Variants in BOLL observed in about 807,000 individuals in gnomAD.
BOLL encodes the protein protein boule-like.
In BOLL, 23 loss-of-function variants were observed where a neutral mutation model predicts 44.4. The ratio of observed to expected loss-of-function variants is 0.52; its 90% CI spans 0.37 to 0.73. BOLL has a LOEUF of 0.73. Ranked by LOEUF, BOLL falls within the 30% of genes least tolerant of loss-of-function variation. The pLI, the probability that BOLL is intolerant of heterozygous loss-of-function variation, is 0.00. For missense variants in BOLL, 287 were observed against 338.3 expected, an observed-to-expected ratio of 0.85 and a Z score of 1.19; for synonymous variants, 97 against 110.8, an observed-to-expected ratio of 0.88 and a Z score of 0.78.
chr2:197,733,498 C>T (rs1172455691), intron 10 of BOLL, among the ~76,000 whole-genome samples: 24 of 151,424 alleles, frequency 1.6e-4, no homozygotes, highest in African/African-American at 5.1e-4. Flanking sequence ...GAGCCCGCAT[C>T]GCCAAGTCAA....
intron 7 of BOLL, among the ~76,000 whole-genome samples, chr2:197,761,710 CACCTT>C (rs369572362): frequency 8.5e-4 from 129 of 152,204 alleles, no homozygotes; most frequent in African/African-American, 3.0e-3. Flanking sequence ...AAAAGAAACT[CACCTT>C]ACCTGTAAAG....
At chr2:197,735,796 A>T (rs1182650795) in intron 10 of BOLL, among the ~76,000 whole-genome samples, 3 of 152,084 alleles carry the variant, frequency 2.0e-5, no homozygotes, top group Admixed American at 6.6e-5. Context: ...AGAGGATATT[A>T]ATTGTAGTTT....
At chr2:197,729,315 C>G (rs185630227) in intron 10 of BOLL, among the ~76,000 whole-genome samples, 505 of 152,320 alleles carry the variant, frequency 3.3e-3, no homozygotes, top group Admixed American at 6.3e-3. Context: ...GAGGGTCCTA[C>G]GCCCACGGAG....
At chr2:197,739,302 C>A (rs995844286) in intron 10 of BOLL, among the ~76,000 whole-genome samples, 12 of 151,980 alleles carry the variant, frequency 7.9e-5, no homozygotes, top group African/African-American at 2.9e-4. Context: ...CACTCTGTTG[C>A]CCAAACTAGA....
At chr2:197,766,720 T>A in intron 6 of BOLL, 117 bp from the exon 7 acceptor site, 2 of 698,232 alleles carry the variant, frequency 2.9e-6, no homozygotes, top group Non-Finnish European at 4.9e-6. Flanking sequence ...TTAGAAATAT[T>A]ATTTTTCTAC....
intron 4 of BOLL, among the ~76,000 whole-genome samples, chr2:197,776,191 C>A (rs918925376): frequency 1.1e-4 from 16 of 151,788 alleles, no homozygotes; most frequent in African/African-American, 3.6e-4. Context: ...CATGTTTTCT[C>A]CATTTTTGTG....
At chr2:197,729,686 C>T (rs1401401471) in intron 10 of BOLL, among the ~76,000 whole-genome samples, 1 of 152,034 alleles carries the variant, frequency 6.6e-6, no homozygotes, top group Admixed American at 6.5e-5. Context: ...CTGGGAGGCA[C>T]CCCCCACCAG....
chr2:197,736,528 G>T lies in BOLL; in HGVS notation c.828+6533C>A, dbSNP rs116691938. On this transcript the variant is annotated intron_variant, in intron 10 of 10. Transcript: ENST00000392296. Reference sequence around the variant, plus strand: ...GTTTTGCTAATTGTTTCAATTATAAGCTGTTAGAAGTTGAGTGAAGAGATA... The same window carrying T: ...GTTTTGCTAATTGTTTCAATTATAATCTGTTAGAAGTTGAGTGAAGAGATA... 6.3e-3 allele frequency among the ~76,000 whole-genome samples: 952 copies of T among 152,158 alleles called. 16 individuals are homozygous for T. The highest frequency in any genetic ancestry group is 0.021 in the African/African-American group (889 of 41,484).
At chr2:197,745,866 G>C (rs1159580581) in intron 9 of BOLL, among the ~76,000 whole-genome samples, 52 of 152,202 alleles carry the variant, frequency 3.4e-4, no homozygotes, top group Non-Finnish European at 1.6e-4. Flanking sequence ...GAGTGCAGAA[G>C]TATGTATTGG....
Position 197,779,031 on chromosome 2 carries a change from C to T in BOLL, c.165G>A (p.Gln55=). Residue 55 remains glutamine (Q), a synonymous_variant, in exon 3 of 11, where the codon CAG becomes CAA. Coordinates refer to ENST00000392296, the MANE Select transcript of BOLL (RefSeq NM_033030.6). The stretch of plus-strand genomic sequence containing the variant: ...TCTTCACTTCTTTCACAGACCCATA[C>T]TGGGAAAAAAATTTTCTTAAATCAC... ...NESDLRKFFS[Q]YGSVKEVKIV... is the part of the protein sequence containing the mutation. 6.2e-7 allele frequency: 1 copy of T among 1,611,160 alleles called. No homozygotes were observed. The highest frequency in any genetic ancestry group is 8.5e-7 in the Non-Finnish European group (1 of 1,178,424).
intron 1 of BOLL, among the ~76,000 whole-genome samples, chr2:197,782,375 A>G (rs1233113736): frequency 6.6e-6 from 1 of 152,220 alleles, no homozygotes; most frequent in Non-Finnish European, 1.5e-5. Context: ...GACAAAAACA[A>G]AGGCATTGCC....
intron 7 of BOLL, among the ~76,000 whole-genome samples, chr2:197,759,868 TCA>T (rs1379631876): frequency 6.6e-6 from 1 of 152,132 alleles, no homozygotes; most frequent in Non-Finnish European, 1.5e-5. Flanking sequence ...CAGAGGTGCC[TCA>T]CGCCCTGCAG....
chr2:197,746,728 C>T (rs756022357), intron 9 of BOLL, among the ~76,000 whole-genome samples: 10 of 151,830 alleles, frequency 6.6e-5, no homozygotes, highest in East Asian at 1.9e-4. Flanking sequence ...GGTGAAACCC[C>T]GTCTCTACTA....
intron 1 of BOLL, among the ~76,000 whole-genome samples, chr2:197,782,317 T>C (rs913449970): frequency 1.3e-5 from 2 of 152,160 alleles, no homozygotes; most frequent in Admixed American, 1.3e-4. Flanking sequence ...GTGACTCTGA[T>C]GGATCAAGAT....
At chr2:197,765,903 T>C (rs779786726) in intron 7 of BOLL, among the ~76,000 whole-genome samples, 11 of 152,074 alleles carry the variant, frequency 7.2e-5, no homozygotes, top group Non-Finnish European at 1.2e-4. Context: ...CGTTCATGAG[T>C]TCTCATCATT....
chr2:197,754,750 A>AAC (rs142614771), intron 9 of BOLL, among the ~76,000 whole-genome samples: 6,245 of 149,986 alleles, frequency 0.042, 153 homozygotes, highest in Admixed American at 0.066. Flanking sequence ...AAAACCCCAA[A>AAC]ACACACACAC....
intron 10 of BOLL, among the ~76,000 whole-genome samples, chr2:197,729,975 C>A (rs1288173470): frequency 2.6e-5 from 4 of 151,920 alleles, no homozygotes; most frequent in Non-Finnish European, 5.9e-5. Flanking sequence ...ATGACTTTGA[C>A]GAGCTGAGAG....
In BOLL at chr2:197,740,661, T is replaced by C. The variant is rs150513295; in HGVS notation, c.828+2400A>G. ...AGATAATAAAAATCAGAGTACTGTATATTAAATATCTAGAATAGGCAAATT... is the reference window on the plus strand; with the variant it reads ...AGATAATAAAAATCAGAGTACTGTACATTAAATATCTAGAATAGGCAAATT... On this transcript the variant is annotated intron_variant, in intron 10 of 10. Coordinates refer to ENST00000392296, the MANE Select transcript of BOLL (RefSeq NM_033030.6). Among the ~76,000 whole-genome samples the C allele has an allele frequency of 9.6e-3, 1,467 of 152,248 alleles. 23 individuals are homozygous for C. The highest frequency in any genetic ancestry group is 0.034 in the African/African-American group (1,407 of 41,536).
chr2:197,744,850 A>C (rs1314587792), intron 9 of BOLL, among the ~76,000 whole-genome samples: 1 of 152,228 alleles, frequency 6.6e-6, no homozygotes, highest in Non-Finnish European at 1.5e-5. Context: ...AAAGTAACAC[A>C]GTAAGTTGTG....
Sources: allele counts gnomAD v4.1 joint callset (sites outside exome capture counted in the v4.1 genomes callset), GRCh38; gene constraint gnomAD v4.1.1; transcripts MANE v1.5; gene names NCBI Gene and HGNC (gene_info 2026-07-23, HGNC 2026-07-21).